The following ATXN7L1 variants were observed in gnomAD, a reference collection of about 807,000 sequenced individuals.
ATXN7L1 encodes ataxin 7 like 1.
Under a neutral mutation model 70.8 loss-of-function variants are expected in ATXN7L1, and 15 were observed. The ratio of observed to expected loss-of-function variants is 0.21; its 90% CI spans 0.14 to 0.33. The LOEUF is 0.33. ATXN7L1 is among the 10% of genes least tolerant of loss of function. The pLI, the probability that ATXN7L1 is intolerant of heterozygous loss-of-function variation, is 1.00. For synonymous variants in ATXN7L1, 440 were observed against 445.1 expected, an observed-to-expected ratio of 0.99 and a Z score of 0.14; for missense variants, 975 against 1,097.1, an observed-to-expected ratio of 0.89 and a Z score of 1.57.
At chr7:105,631,950 C>T (rs1796658723) in intron 7 of ATXN7L1, among the ~76,000 whole-genome samples, 1 of 152,228 alleles carries the variant, frequency 6.6e-6, no homozygotes, top group Non-Finnish European at 1.5e-5. Context: ...CCAGGCACAT[C>T]ACCAATCAGG....
In ATXN7L1 at chr7:105,623,446, G is replaced by C. The variant is rs528633466; in HGVS notation, c.1395+629C>G. Reference sequence around the variant, plus strand: ...GGTGGGAAACTAAGGTCCCACCTCAGTGTCAATGACCTTCTGAACTGTCAG... The same window carrying C: ...GGTGGGAAACTAAGGTCCCACCTCACTGTCAATGACCTTCTGAACTGTCAG... On this transcript the variant is annotated intron_variant, in intron 8 of 11. Coordinates refer to ENST00000419735, the MANE Select transcript of ATXN7L1 (RefSeq NM_020725.2). Among the ~76,000 whole-genome samples the C allele has an allele frequency of 1.6e-4, 24 of 152,322 alleles. No homozygotes were observed. In the South Asian group the frequency reaches 4.8e-3, roughly 30 times the overall value.
intron 8 of ATXN7L1, among the ~76,000 whole-genome samples, chr7:105,622,575 C>T (rs1795090332): frequency 6.6e-6 from 1 of 152,214 alleles, no homozygotes; most frequent in Non-Finnish European, 1.5e-5. Context: ...CAGAACCACA[C>T]TTTTATTCTG....
At chr7:105,721,922 C>T (rs1795229422) in intron 3 of ATXN7L1, among the ~76,000 whole-genome samples, 1 of 152,216 alleles carries the variant, frequency 6.6e-6, no homozygotes. Flanking sequence ...TGGGGTCTTC[C>T]TCCTAAATTC....
intron 2 of ATXN7L1, among the ~76,000 whole-genome samples, chr7:105,852,560 A>G (rs1407526200): frequency 6.6e-6 from 1 of 152,096 alleles, no homozygotes; most frequent in Non-Finnish European, 1.5e-5. Context: ...TGGCAAGCAG[A>G]GTGCCAGCTT....
Position 105,639,499 on chromosome 7 carries a change from G to A in ATXN7L1, c.933C>T (p.Ser311=), listed in dbSNP as rs1361765540. 4 of 1,550,122 alleles carry A rather than the reference G, an allele frequency of 2.6e-6. No homozygotes were observed. The African/African-American group carries it at 5.5e-5, about 21-fold the overall frequency. Residue 311 remains serine (S), a synonymous_variant, in exon 6 of 12, where the codon TCC becomes TCT. Coordinates refer to ENST00000419735, the MANE Select transcript of ATXN7L1 (RefSeq NM_020725.2). ...GAAAGAGAAATACCTTGCAGGTGAGGGATCTTGTGCAAGGTTTCTTTGTCT... is the reference window on the plus strand; with the variant it reads ...GAAAGAGAAATACCTTGCAGGTGAGAGATCTTGTGCAAGGTTTCTTTGTCT... The part of the protein sequence containing the change: ...DPETKKPCTR[S]LTCKTHSLSH...
At chr7:105,665,020 C>G in intron 4 of ATXN7L1, 46 bp downstream of exon 4, 2 of 1,489,042 alleles carry the variant, frequency 1.3e-6, no homozygotes, top group East Asian at 2.5e-5. Context: ...GTGACAGGAA[C>G]AGCAGGGGGG....
chr7:105,750,411 G>C (rs1390296671), intron 3 of ATXN7L1, among the ~76,000 whole-genome samples: 3 of 151,550 alleles, frequency 2.0e-5, no homozygotes, highest in Non-Finnish European at 4.4e-5. Context: ...GAGTAGCTAG[G>C]ACTACAGGCA....
At chr7:105,694,550 G>T (rs1013156025) in intron 3 of ATXN7L1, among the ~76,000 whole-genome samples, 1 of 152,174 alleles carries the variant, frequency 6.6e-6, no homozygotes, top group Non-Finnish European at 1.5e-5. Flanking sequence ...ACTTTCCCAA[G>T]TTACACACCC....
chr7:105,738,169 C>T lies in ATXN7L1; in HGVS notation c.355+50435G>A, dbSNP rs1285470178. Among the ~76,000 whole-genome samples, 5 of 152,316 alleles carry T rather than the reference C, an allele frequency of 3.3e-5. No individual in the cohort carries two copies. The East Asian group carries it at 9.6e-4, about 29-fold the overall frequency. ...TTCCAGGACGGCTCTCTGTCACTTC[C>T]AGAACAAAAGCTCAACTCTTTCGTG... On this transcript the variant is annotated intron_variant, in intron 3 of 11. Transcript: ENST00000419735.
chr7:105,643,829 C>T (rs73192181), intron 4 of ATXN7L1, among the ~76,000 whole-genome samples: 408 of 152,388 alleles, frequency 2.7e-3, no homozygotes, highest in Non-Finnish European at 3.8e-3. Context: ...CAAAGGTGTG[C>T]TTCACTCTTC....
chr7:105,810,124 T>G (rs1429902058), intron 2 of ATXN7L1, among the ~76,000 whole-genome samples: 4 of 152,190 alleles, frequency 2.6e-5, no homozygotes, highest in Non-Finnish European at 5.9e-5. Flanking sequence ...CAGTTTAAAA[T>G]TTCTATTTTA....
chr7:105,848,772 C>T (rs1047206875), intron 2 of ATXN7L1, among the ~76,000 whole-genome samples: 1 of 152,122 alleles, frequency 6.6e-6, no homozygotes. Context: ...CATGGAGGTC[C>T]AGGCCCTCCA....
chr7:105,734,667 G>A (rs1797185147), intron 3 of ATXN7L1, among the ~76,000 whole-genome samples: 1 of 150,638 alleles, frequency 6.6e-6, no homozygotes, highest in Admixed American at 6.6e-5. Context: ...GGCTGGCTTT[G>A]GAGTTTCTTA....
intron 3 of ATXN7L1, among the ~76,000 whole-genome samples, chr7:105,741,977 G>A (rs1798067605): frequency 6.6e-6 from 1 of 152,184 alleles, no homozygotes; most frequent in South Asian, 2.1e-4. Context: ...CTGCTGACAT[G>A]TTGATCTTGG....
At chr7:105,760,250 A>G (rs999760151) in intron 3 of ATXN7L1, 1 of 982,266 alleles carries the variant, frequency 1.0e-6, no homozygotes, top group Non-Finnish European at 1.2e-6. Context: ...GTGACAAAGG[A>G]TATTTATGTA....
At chr7:105,770,706 GAGACCTTT>G (rs1298632874) in intron 3 of ATXN7L1, among the ~76,000 whole-genome samples, 1 of 152,150 alleles carries the variant, frequency 6.6e-6, no homozygotes, top group Non-Finnish European at 1.5e-5. Flanking sequence ...AGACCTTAAG[GAGACCTTT>G]AGAATTAAAA....
intron 3 of ATXN7L1, among the ~76,000 whole-genome samples, chr7:105,717,196 C>G (rs1200908180): frequency 6.6e-6 from 1 of 152,134 alleles, no homozygotes; most frequent in Non-Finnish European, 1.5e-5. Context: ...GGCACAATAT[C>G]AGTTCACTGC....
intron 6 of ATXN7L1, 23 bp downstream of exon 6, chr7:105,639,464 A>AT (rs1239913512): frequency 6.5e-6 from 10 of 1,537,352 alleles, no homozygotes; most frequent in Non-Finnish European, 8.8e-6. Flanking sequence ...AGCAGGAAGT[A>AT]TTTTTTATGG....
chr7:105,655,213 C>T (rs1011304493), intron 4 of ATXN7L1, among the ~76,000 whole-genome samples: 1 of 152,218 alleles, frequency 6.6e-6, no homozygotes, highest in Non-Finnish European at 1.5e-5. Flanking sequence ...AGTGAGCAGG[C>T]AGCCTTAGAT....
Sources: gnomAD v4.1 joint callset for allele counts (sites outside exome capture counted in the v4.1 genomes callset) on GRCh38, gnomAD v4.1.1 for gene constraint, MANE v1.5 for transcripts, NCBI Gene and HGNC (gene_info 2026-07-23, HGNC 2026-07-21) for gene names.